Variants in ZCCHC7 observed in about 807,000 individuals in gnomAD.
ZCCHC7 encodes zinc finger CCHC domain-containing protein 7.
In ZCCHC7, 35 loss-of-function variants were observed where a neutral mutation model predicts 52.0. The ratio of observed to expected loss-of-function variants is 0.67; its 90% confidence interval spans 0.51 to 0.89. ZCCHC7 has a LOEUF of 0.89. Ranked by LOEUF, ZCCHC7 falls within the 40% of genes least tolerant of loss-of-function variation. ZCCHC7 has a pLI of 0.00. For missense variants in ZCCHC7, 574 were observed against 649.1 expected, an observed-to-expected ratio of 0.88 and a Z score of 1.26; for synonymous variants, 217 against 221.5, an observed-to-expected ratio of 0.98 and a Z score of 0.18.
chr9:37,201,852 C>T (rs1823647201), intron 2 of ZCCHC7, among the ~76,000 whole-genome samples: 1 of 152,220 alleles, frequency 6.6e-6, no homozygotes, highest in South Asian at 2.1e-4. Context: ...ATACAAAACT[C>T]ATATTATCTG....
chr9:37,317,945 T>C (rs2117947999), intron 5 of ZCCHC7, among the ~76,000 whole-genome samples: 1 of 151,406 alleles, frequency 6.6e-6, no homozygotes, highest in East Asian at 2.0e-4. Context: ...ATGGCACAAT[T>C]ATCTGTAATA....
chr9:37,121,140 G>T (rs1842298769), intron 1 of ZCCHC7, among the ~76,000 whole-genome samples: 1 of 152,152 alleles, frequency 6.6e-6, no homozygotes, highest in African/African-American at 2.4e-5. Context: ...TGTTTACTAA[G>T]GCGCCCTTTA....
chr9:37,231,207 A>C (rs1825387865), intron 2 of ZCCHC7, among the ~76,000 whole-genome samples: 1 of 152,168 alleles, frequency 6.6e-6, no homozygotes, highest in Non-Finnish European at 1.5e-5. Flanking sequence ...CAGCCTCCCA[A>C]AGTATTGAGA....
chr9:37,267,969 C>T (rs992660684), intron 2 of ZCCHC7, among the ~76,000 whole-genome samples: 1 of 152,120 alleles, frequency 6.6e-6, no homozygotes, highest in Non-Finnish European at 1.5e-5. Context: ...CCTGAGATTA[C>T]AGGTGTGAGC....
At chr9:37,265,905 C>G (rs1467381186) in intron 2 of ZCCHC7, among the ~76,000 whole-genome samples, 1 of 152,116 alleles carries the variant, frequency 6.6e-6, no homozygotes, top group Non-Finnish European at 1.5e-5. Flanking sequence ...GGCTTTGATA[C>G]TTCACTACCT....
chr9:37,290,015 C>G (rs772440777), intron 2 of ZCCHC7, among the ~76,000 whole-genome samples: 4 of 152,228 alleles, frequency 2.6e-5, no homozygotes, highest in Non-Finnish European at 4.4e-5. Context: ...TACCCAATTT[C>G]CATTACCCTG....
chr9:37,264,369 A>T (rs1827002462), intron 2 of ZCCHC7, among the ~76,000 whole-genome samples: 1 of 152,332 alleles, frequency 6.6e-6, no homozygotes, highest in Admixed American at 6.5e-5. Context: ...GTTAAACCAG[A>T]CTTAATGGAA....
chr9:37,161,107 A>G (rs1437935347), intron 2 of ZCCHC7, among the ~76,000 whole-genome samples: 1 of 151,506 alleles, frequency 6.6e-6, no homozygotes, highest in Non-Finnish European at 1.5e-5. Flanking sequence ...AGGCCACCAC[A>G]ACTGGCTAAT....
At chr9:37,131,281 A>G (rs559553345) in intron 2 of ZCCHC7, among the ~76,000 whole-genome samples, 2 of 151,450 alleles carry the variant, frequency 1.3e-5, no homozygotes, top group African/African-American at 4.9e-5. Flanking sequence ...CAGAGTTTGC[A>G]GTGAGCCGAG....
intron 5 of ZCCHC7, among the ~76,000 whole-genome samples, chr9:37,312,477 A>G (rs1034284996): frequency 6.6e-6 from 1 of 152,260 alleles, no homozygotes; most frequent in African/African-American, 2.4e-5. Flanking sequence ...TGATAAATAA[A>G]AGAGTCTTAG....
At chr9:37,216,064 CAG>C (rs1564184436) in intron 2 of ZCCHC7, among the ~76,000 whole-genome samples, 1 of 152,160 alleles carries the variant, frequency 6.6e-6, no homozygotes, top group East Asian at 1.9e-4. Flanking sequence ...AGTAGTGACT[CAG>C]AGAATATTAC....
intron 2 of ZCCHC7, among the ~76,000 whole-genome samples, chr9:37,169,185 T>C (rs1821594086): frequency 6.6e-6 from 1 of 152,232 alleles, no homozygotes; most frequent in Non-Finnish European, 1.5e-5. Flanking sequence ...ATACTGCCTA[T>C]GGTACATTTT....
intron 2 of ZCCHC7, among the ~76,000 whole-genome samples, chr9:37,137,582 C>T (rs1297175060): frequency 6.6e-6 from 1 of 152,148 alleles, no homozygotes; most frequent in African/African-American, 2.4e-5. Flanking sequence ...ATTGCTTTCT[C>T]CCTGTTTTTT....
intron 2 of ZCCHC7, among the ~76,000 whole-genome samples, chr9:37,233,099 C>T (rs1825483654): frequency 6.6e-6 from 1 of 152,138 alleles, no homozygotes; most frequent in Non-Finnish European, 1.5e-5. Context: ...TACTTATTTT[C>T]AAAGTACAGA....
At chr9:37,337,910 G>A (rs1035133316) in intron 6 of ZCCHC7, among the ~76,000 whole-genome samples, 6 of 152,222 alleles carry the variant, frequency 3.9e-5, no homozygotes, top group East Asian at 1.9e-4. Context: ...TAAAATAGAC[G>A]GAGGGATAGC....
chr9:37,212,359 A>G (rs1804515191), intron 2 of ZCCHC7, among the ~76,000 whole-genome samples: 1 of 152,188 alleles, frequency 6.6e-6, no homozygotes, highest in Non-Finnish European at 1.5e-5. Flanking sequence ...GTACAGGCAT[A>G]CTGATTTAGT....
intron 2 of ZCCHC7, among the ~76,000 whole-genome samples, chr9:37,151,553 C>G (rs1465336361): frequency 6.6e-6 from 1 of 152,036 alleles, no homozygotes; most frequent in Non-Finnish European, 1.5e-5. Flanking sequence ...GCCTGTAATT[C>G]CAGCACTTTG....
intron 6 of ZCCHC7, among the ~76,000 whole-genome samples, chr9:37,329,585 A>G (rs954823299): frequency 1.3e-5 from 2 of 151,898 alleles, no homozygotes; most frequent in Non-Finnish European, 2.9e-5. Flanking sequence ...AAGTATAAAT[A>G]TAAAACTAGC....
intron 2 of ZCCHC7, among the ~76,000 whole-genome samples, chr9:37,241,433 C>G (rs1825869671): frequency 6.6e-6 from 1 of 151,776 alleles, no homozygotes; most frequent in Non-Finnish European, 1.5e-5. Context: ...GAAGTGCTGT[C>G]TCTTAGAAGT....
Sources: gnomAD v4.1 joint callset for allele counts (sites outside exome capture counted in the v4.1 genomes callset) on GRCh38, gnomAD v4.1.1 for gene constraint, MANE v1.5 for transcripts, NCBI Gene and HGNC (gene_info 2026-07-23, HGNC 2026-07-21) for gene names.